Variants in ELMO2 observed in about 807,000 individuals in gnomAD.
The protein encoded by ELMO2 is engulfment and cell motility protein 2.
In ELMO2, 37 loss-of-function variants were observed where a neutral mutation model predicts 96.2. That is an observed-to-expected ratio of 0.38 (90% CI 0.30 to 0.51). ELMO2 has a LOEUF of 0.51. Among genes scored for constraint, ELMO2 ranks in the 20% least tolerant of loss-of-function variants. ELMO2 has a pLI of 0.88. For synonymous variants in ELMO2, 315 were observed against 329.4 expected, an observed-to-expected ratio of 0.96 and a Z score of 0.47; for missense variants, 561 against 912.6, an observed-to-expected ratio of 0.61 and a Z score of 4.96.
intron 6 of ELMO2, among the ~76,000 whole-genome samples, chr20:46,389,771 C>A (rs1367567684): frequency 6.6e-6 from 1 of 152,048 alleles, no homozygotes; most frequent in East Asian, 1.9e-4. Flanking sequence ...ACTGCTTGAG[C>A]CCAGGAATTC....
At chr20:46,393,174 AC>A (rs766973617) in intron 5 of ELMO2, 31 bp from the exon 6 acceptor site, 6 of 1,606,578 alleles carry the variant, frequency 3.7e-6, no homozygotes, top group Non-Finnish European at 5.1e-6. Context: ...AAAAAAAGTA[AC>A]TAAGATAAAA....
At chr20:46,367,655 CT>C (rs2059611737) in intron 21 of ELMO2, 95 bp from the exon 22 acceptor site, 9 of 985,896 alleles carry the variant, frequency 9.1e-6, no homozygotes. Flanking sequence ...ACAACAGTTC[CT>C]TTTGGAACTA....
At chr20:46,368,813 C>T in intron 21 of ELMO2, 78 bp downstream of exon 21, 1 of 1,517,802 alleles carries the variant, frequency 6.6e-7, no homozygotes, top group Non-Finnish European at 9.1e-7. Flanking sequence ...GGGGACTTTC[C>T]TGTTTTGCTC....
chr20:46,375,733 G>A lies in ELMO2; in HGVS notation c.865C>T (p.Leu289Phe). 6.2e-7 allele frequency: 1 copy of A among 1,614,188 alleles called. No individual in the cohort carries two copies. Among genetic ancestry groups the A allele is most frequent in the African/African-American group, 1.3e-5 (1 of 75,052 alleles). Residue 289 changes from leucine to phenylalanine, a missense_variant, in exon 12 of 22, where the codon CTT (leucine) becomes TTT (phenylalanine). By Grantham distance (22) the Leu-to-Phe change is conservative. Transcript: ENST00000290246. This position sits in a 1 kb window ranked among gnomAD's most constrained non-coding sequence, Gnocchi z 4.6. ...AGAAGGTTAAAGGTTAGGACTTGAA[G>A]GACATATAGCTGATGGGCCATCTCA... ...KTEMAHQLYV[L>F]QVLTFNLLEE...
At chr20:46,399,554 C>G (rs1475540607) in intron 1 of ELMO2, among the ~76,000 whole-genome samples, 1 of 152,216 alleles carries the variant, frequency 6.6e-6, no homozygotes, top group Non-Finnish European at 1.5e-5. Flanking sequence ...TGTGTTCTCA[C>G]AGCATCCTGT....
chr20:46,375,727 C>T lies in ELMO2; in HGVS notation c.871G>A (p.Val291Ile), dbSNP rs1467354568. 1.2e-6 allele frequency: 2 copies of T among 1,614,188 alleles called. No homozygotes were observed. Among genetic ancestry groups the T allele is most frequent in the Non-Finnish European group, 1.7e-6 (2 of 1,180,022 alleles). The part of the protein sequence containing the change: ...EMAHQLYVLQ[V>I]LTFNLLEERM... Reference sequence around the variant, plus strand: ...TCTTCCAGAAGGTTAAAGGTTAGGACTTGAAGGACATATAGCTGATGGGCC... The same window carrying T: ...TCTTCCAGAAGGTTAAAGGTTAGGATTTGAAGGACATATAGCTGATGGGCC... Residue 291 changes from valine to isoleucine, a missense_variant, in exon 12 of 22, where the codon GTC becomes ATC. By Grantham distance (29) the Val-to-Ile change is conservative. Coordinates refer to ENST00000290246, the MANE Select transcript of ELMO2 (RefSeq NM_133171.5). This position sits in a 1 kb window ranked among gnomAD's most constrained non-coding sequence, Gnocchi z 4.6.
At chr20:46,386,060 T>TA (rs2060035344) in intron 9 of ELMO2, 64 bp downstream of exon 9, 2 of 1,554,458 alleles carry the variant, frequency 1.3e-6, no homozygotes, top group African/African-American at 2.7e-5. Flanking sequence ...TTGGAAGACT[T>TA]AAAATAAGAG....
Position 46,375,565 on chromosome 20 carries a change from A to C in ELMO2, c.930+103T>G, listed in dbSNP as rs1264326116. 2 of 1,560,480 alleles carry C rather than the reference A, an allele frequency of 1.3e-6. No individual in the cohort carries two copies. Among genetic ancestry groups the C allele is most frequent in the African/African-American group, 2.7e-5 (2 of 73,616 alleles). On this transcript the variant is annotated intron_variant, in intron 12 of 21. Transcript: ENST00000290246. The surrounding 1 kb of genome is among the most constrained non-coding windows in gnomAD (Gnocchi z 4.6). ...ATGCTAGATTTTCTAGGGCAGATGC[A>C]AACTACTTCTGCAGACAAAGACCAA... is the stretch of plus-strand genomic sequence containing the variant.
intron 1 of ELMO2, among the ~76,000 whole-genome samples, chr20:46,404,397 C>A (rs1006088784): frequency 6.6e-6 from 1 of 152,206 alleles, no homozygotes; most frequent in Non-Finnish European, 1.5e-5. Context: ...TTCCTGTACC[C>A]TCAAACTTCC....
rs574674005 is a variant in ELMO2 at position 46,371,916 on chromosome 20, G to T, written c.1470C>A (p.Asn490Lys). 137 of 1,614,198 alleles carry T rather than the reference G, an allele frequency of 8.5e-5. No individual in the cohort carries two copies. The Middle Eastern group carries it at 1.3e-3, about 16-fold the overall frequency. The change falls in exon 17 of 22, where the codon AAC becomes AAA. Residue 490 changes from asparagine (N) to lysine (K), a missense_variant. By Grantham distance (94) the Asn-to-Lys change is moderately conservative. Transcript: ENST00000290246. The surrounding 1 kb of genome is among the most constrained non-coding windows in gnomAD (Gnocchi z 5.9). ...ATTTGCTCTTGAACTGATCCAAAGA[G>T]TTGGGTTTGGAGGGCAAAGCTCGAG... is the stretch of plus-strand genomic sequence containing the variant. Reference protein sequence around the residue: ...QITRALPSKPNSLDQFKSKLR... With the variant: ...QITRALPSKPKSLDQFKSKLR...
Position 46,366,796 on chromosome 20 carries a change from G to A in ELMO2, c.*564C>T, listed in dbSNP as rs185213509. On this transcript the variant is annotated 3_prime_UTR_variant, in exon 22 of 22. Coordinates refer to ENST00000290246, the MANE Select transcript of ELMO2 (RefSeq NM_133171.5). ...AGAGATCTGGTGGCTCTAAAGACCA[G>A]AGATGTTAGAGCCAACCTCAGAAGC... 1.3e-5 allele frequency: 2 copies of A among 152,800 alleles called. No individual in the cohort carries two copies. Among genetic ancestry groups the A allele is most frequent in the Admixed American group, 1.3e-4 (2 of 15,312 alleles). The allele number at this position is 152,800 out of a possible 1,614,324, so 9.5% of individuals were successfully genotyped here.
At chr20:46,389,261 G>C in intron 6 of ELMO2, 41 bp from the exon 7 acceptor site, 1 of 1,596,762 alleles carries the variant, frequency 6.3e-7, no homozygotes, top group Non-Finnish European at 8.5e-7. Context: ...CTGCTCCTTG[G>C]AGCAGGTTAC....
chr20:46,378,902 A>G (rs1265578199), intron 11 of ELMO2, among the ~76,000 whole-genome samples: 4 of 152,248 alleles, frequency 2.6e-5, no homozygotes, highest in African/African-American at 7.2e-5. Flanking sequence ...GTCCATGTTT[A>G]GCTTAAGTCT....
At position 46,394,082 on chromosome 20, in the gene ELMO2, G is replaced by A. The variant is rs1424847566; in HGVS notation, c.86C>T (p.Pro29Leu). 1.2e-6 allele frequency: 2 copies of A among 1,613,866 alleles called. No individual in the cohort carries two copies. Among genetic ancestry groups the A allele is most frequent in the South Asian group, 1.1e-5 (1 of 91,050 alleles). ...AQLLEIDQKR[P>L]LASIIKEVCD... Reference sequence around the variant, plus strand: ...AACTTCCTTGATAATGGATGCCAGGGGCCGTTTCTGAAAGAGAGAGAGAGA... The same window carrying A: ...AACTTCCTTGATAATGGATGCCAGGAGCCGTTTCTGAAAGAGAGAGAGAGA... Residue 29 changes from proline to leucine, a missense_variant, in exon 4 of 22, where the codon CCC becomes CTC. Transcript: ENST00000290246.
At chr20:46,389,397 T>G (rs2060111277) in intron 6 of ELMO2, among the ~76,000 whole-genome samples, 177 bp from the exon 7 acceptor site, 1 of 152,204 alleles carries the variant, frequency 6.6e-6, no homozygotes, top group Non-Finnish European at 1.5e-5. Context: ...GTTATTAGTA[T>G]GCCAAAACCA....
At position 46,375,942 on chromosome 20, in the gene ELMO2, A is replaced by T. The variant is rs1335144232; in HGVS notation, c.808-152T>A. On this transcript the variant is annotated intron_variant, in intron 11 of 21. Coordinates refer to ENST00000290246, the MANE Select transcript of ELMO2 (RefSeq NM_133171.5). This position sits in a 1 kb window ranked among gnomAD's most constrained non-coding sequence, Gnocchi z 4.6. The stretch of plus-strand genomic sequence containing the variant: ...TTCATATTCTAGAAGGCGATGGAGC[A>T]TGAATGGGCTTGGTTCAGGCAGAGA... The T allele has an allele frequency of 9.0e-7, 1 of 1,106,376 alleles. No individual in the cohort carries two copies. Among genetic ancestry groups the T allele is most frequent in the Non-Finnish European group, 1.3e-6 (1 of 791,336 alleles). The allele number at this position is 1,106,376 out of a possible 1,614,324, so 68.5% of individuals were successfully genotyped here. A position where few individuals can be genotyped will look rare whatever the true frequency, so the allele number is the denominator to read the frequency against.
At chr20:46,380,411 A>ATT in intron 10 of ELMO2, 108 bp from the exon 11 acceptor site, 1 of 875,482 alleles carries the variant, frequency 1.1e-6, no homozygotes, top group Non-Finnish European at 1.8e-6. Context: ...GCTTTCTTAA[A>ATT]TTTTTTTCCT....
rs1373594810 is a variant in ELMO2, at chr20:46,371,216, C to T, written c.1801+136G>A. On this transcript the variant is annotated intron_variant, in intron 19 of 21. Transcript: ENST00000290246. The surrounding 1 kb of genome is among the most constrained non-coding windows in gnomAD (Gnocchi z 5.9). ...ACCGAGTAGGCCAGGTAGAGGAAAT[C>T]GCTGACAGATAAGGAAACAGGTCCA... 7.3e-6 allele frequency: 6 copies of T among 825,154 alleles called. No individual in the cohort carries two copies. The highest frequency in any genetic ancestry group is 2.6e-5 in the East Asian group (1 of 38,110). 51.1% of individuals were successfully genotyped at this position (825,154 alleles called of 1,614,324 possible).
At chr20:46,392,922 A>C (rs1219577983) in intron 6 of ELMO2, among the ~76,000 whole-genome samples, 171 bp downstream of exon 6, 3 of 152,078 alleles carry the variant, frequency 2.0e-5, no homozygotes, top group African/African-American at 7.2e-5. Context: ...TTTACTCCCC[A>C]CTAGGTGGTG....
Sources: gnomAD v4.1 joint callset for allele counts (sites outside exome capture counted in the v4.1 genomes callset) on GRCh38, gnomAD v4.1.1 for gene constraint, Gnocchi (gnomAD v3.1) non-coding constraint, MANE v1.5 for transcripts, NCBI Gene and HGNC (gene_info 2026-07-23, HGNC 2026-07-21) for gene names.